The following FHIT variants were observed in gnomAD, a reference collection of about 807,000 sequenced individuals.
FHIT encodes fragile histidine triad diadenosine triphosphatase.
In FHIT, 19 loss-of-function variants were observed where a neutral mutation model predicts 17.9. That is an observed-to-expected ratio of 1.06 (90% CI 0.74 to 1.56). FHIT has a LOEUF of 1.56. FHIT is among the 40% of genes most tolerant of loss of function. The pLI, the probability that FHIT is intolerant of heterozygous loss-of-function variation, is 0.00. For missense variants in FHIT, 248 were observed against 189.2 expected (o/e 1.31, Z -1.82); for synonymous variants, 81 against 69.7 (o/e 1.16, Z -0.81).
At chr3:60,133,071 A>ATGTGGAT (rs1337219756) in intron 5 of FHIT, among the ~76,000 whole-genome samples, 1 of 152,158 alleles carries the variant, frequency 6.6e-6, no homozygotes, top group Admixed American at 6.6e-5. Flanking sequence ...CAGGGATTTA[A>ATGTGGAT]TGTGGATTGA....
At chr3:59,876,125 A>G (rs1703147966) in intron 8 of FHIT, among the ~76,000 whole-genome samples, 4 of 152,080 alleles carry the variant, frequency 2.6e-5, no homozygotes, top group Non-Finnish European at 4.4e-5. Context: ...GCCTGTATTT[A>G]ATGCCACTGA....
At chr3:60,570,307 G>A (rs889115714) in intron 4 of FHIT, among the ~76,000 whole-genome samples, 2 of 152,144 alleles carry the variant, frequency 1.3e-5, no homozygotes, top group Non-Finnish European at 2.9e-5. Flanking sequence ...AATTTAATGG[G>A]AAAGACTATT....
At position 60,463,519 on chromosome 3, in the gene FHIT, C is replaced by A. The variant is rs571958957; in HGVS notation, c.103+73341G>T. On this transcript the variant is annotated intron_variant, in intron 5 of 9. Coordinates refer to ENST00000492590, the MANE Select transcript of FHIT (RefSeq NM_002012.4). ...AAATATACACATTACTCCTCTCCCC[C>A]GCCATCCTTTCTCCTCCTTCCATTT... Among the ~76,000 whole-genome samples, 3 of 152,252 alleles carry A rather than the reference C, an allele frequency of 2.0e-5. No individual in the cohort carries two copies. In the East Asian group the frequency reaches 5.8e-4, roughly 29 times the overall value.
At position 61,154,325 on chromosome 3, in the gene FHIT, A is replaced by C. The variant is rs1039394080; in HGVS notation, c.-164+46292T>G. Among the ~76,000 whole-genome samples, 4 of 152,304 alleles carry C rather than the reference A, an allele frequency of 2.6e-5. No homozygotes were observed. In the South Asian group the frequency reaches 6.2e-4, roughly 24 times the overall value. ...TAAGTATATTACAGCTGCCAGGGGC[A>C]GTATCAGGAAGAATCCCTGGATGAC... On this transcript the variant is annotated intron_variant, in intron 2 of 9. Transcript: ENST00000492590.
At chr3:60,856,236 A>G (rs372526624) in intron 3 of FHIT, among the ~76,000 whole-genome samples, 66 of 152,150 alleles carry the variant, frequency 4.3e-4, no homozygotes, top group Middle Eastern at 3.4e-3. Context: ...CGTCTTCAAA[A>G]TTGCAAAAGG....
At chr3:60,155,743 G>A (rs186740841) in intron 5 of FHIT, among the ~76,000 whole-genome samples, 12 of 152,204 alleles carry the variant, frequency 7.9e-5, no homozygotes, top group East Asian at 7.7e-4. Context: ...GACTCCATGC[G>A]TTAGCTTTGT....
At chr3:60,119,999 T>G (rs1705173338) in intron 5 of FHIT, among the ~76,000 whole-genome samples, 1 of 151,536 alleles carries the variant, frequency 6.6e-6, no homozygotes, top group African/African-American at 2.5e-5. Context: ...GCTTCTTCCC[T>G]GCTTAAAAAA....
chr3:60,494,631 C>T (rs944135312), intron 5 of FHIT, among the ~76,000 whole-genome samples: 1 of 152,178 alleles, frequency 6.6e-6, no homozygotes, highest in African/African-American at 2.4e-5. Context: ...TGTCAACTAT[C>T]CTTCCCAGCT....
intron 5 of FHIT, among the ~76,000 whole-genome samples, chr3:60,444,953 A>C (rs1318053854): frequency 6.6e-6 from 1 of 152,054 alleles, no homozygotes; most frequent in African/African-American, 2.4e-5. Context: ...GGCTGAGGAG[A>C]AACTGCCCAA....
intron 5 of FHIT, among the ~76,000 whole-genome samples, chr3:60,184,268 T>G (rs530462862): frequency 6.6e-6 from 1 of 152,164 alleles, no homozygotes; most frequent in South Asian, 2.1e-4. Context: ...AAGCCTCTAT[T>G]TTATTGGGAT....
intron 2 of FHIT, among the ~76,000 whole-genome samples, chr3:61,042,511 C>T (rs1341210368): frequency 6.6e-6 from 1 of 152,114 alleles, no homozygotes; most frequent in Non-Finnish European, 1.5e-5. Context: ...CATATTCTCT[C>T]TAGTTCTGTA....
At chr3:60,698,834 G>T (rs1394750732) in intron 4 of FHIT, among the ~76,000 whole-genome samples, 4 of 152,022 alleles carry the variant, frequency 2.6e-5, no homozygotes, top group African/African-American at 9.7e-5. Context: ...TAATAAAAGT[G>T]TATCAAGCAC....
chr3:60,601,084 T>C lies in FHIT; in HGVS notation c.-17-64105A>G, dbSNP rs77387724. ...CAGAGTTTGTTGACTTCCACAGCAA[T>C]GTGCCAAGTGACAGAACCTTTGAAA... On this transcript the variant is annotated intron_variant, in intron 4 of 9. Coordinates refer to ENST00000492590, the MANE Select transcript of FHIT (RefSeq NM_002012.4). 1.8e-3 allele frequency among the ~76,000 whole-genome samples: 272 copies of C among 152,264 alleles called. 2 individuals are homozygous for C. Among genetic ancestry groups the C allele is most frequent in the Non-Finnish European group, 3.2e-3 (218 of 68,020 alleles).
At chr3:60,383,395 C>T (rs1335578481) in intron 5 of FHIT, among the ~76,000 whole-genome samples, 1 of 152,030 alleles carries the variant, frequency 6.6e-6, no homozygotes, top group Non-Finnish European at 1.5e-5. Flanking sequence ...TTTGCTCCCC[C>T]AACCCCCACC....
intron 4 of FHIT, among the ~76,000 whole-genome samples, chr3:60,554,345 A>G (rs1341213065): frequency 2.0e-5 from 3 of 152,156 alleles, no homozygotes; most frequent in Non-Finnish European, 2.9e-5. Context: ...AACAATCCTT[A>G]AAGAGGAGAA....
At chr3:59,788,847 T>C (rs1699419520) in intron 8 of FHIT, among the ~76,000 whole-genome samples, 2 of 150,298 alleles carry the variant, frequency 1.3e-5, no homozygotes, top group Middle Eastern at 3.5e-3. Flanking sequence ...AGCCCACTAA[T>C]GTCTCAGAAC....
chr3:60,928,272 C>G (rs1010097584), intron 3 of FHIT, among the ~76,000 whole-genome samples: 2 of 150,954 alleles, frequency 1.3e-5, no homozygotes, highest in Admixed American at 1.3e-4. Context: ...CTGCGAAATC[C>G]CCCTCTCTGA....
At chr3:59,853,509 G>C (rs639244) in intron 8 of FHIT, among the ~76,000 whole-genome samples, 80,984 of 152,020 alleles carry the variant, frequency 0.53, 23,657 homozygotes, top group Admixed American at 0.65. Context: ...GTAATCTTCA[G>C]TCAATAAAAT....
At chr3:60,861,006 T>A (rs1703780970) in intron 3 of FHIT, among the ~76,000 whole-genome samples, 1 of 98,358 alleles carries the variant, frequency 1.0e-5, no homozygotes, top group Non-Finnish European at 2.2e-5. Context: ...TATATCCATA[T>A]ATATGATACA....
Sources: allele counts gnomAD v4.1 joint callset (sites outside exome capture counted in the v4.1 genomes callset), GRCh38; gene constraint gnomAD v4.1.1; transcripts MANE v1.5; gene names NCBI Gene and HGNC (gene_info 2026-07-23, HGNC 2026-07-21).